KMT2C: variants seen among roughly 807,000 people sequenced by gnomAD.
KMT2C encodes the protein lysine methyltransferase 2C, also known as histone-lysine N-methyltransferase 2C.
Under a neutral mutation model 507.9 loss-of-function variants are expected in KMT2C, and 88 were observed. The ratio of observed to expected loss-of-function variants is 0.17; its 90% CI spans 0.15 to 0.21. The LOEUF (loss-of-function observed/expected upper bound fraction) is 0.21, where lower values mean the gene tolerates loss of function less well. Ranked by LOEUF, KMT2C falls within the 10% of genes least tolerant of loss-of-function variation. The pLI is 1.00. For synonymous variants in KMT2C, 2,049 were observed against 2,080.8 expected, an observed-to-expected ratio of 0.98 and a Z score of 0.42; for missense variants, 4,954 against 5,957.8, an observed-to-expected ratio of 0.83 and a Z score of 5.55.
chr7:152,352,609 C>T (rs578251143), intron 2 of KMT2C, among the ~76,000 whole-genome samples: 4 of 152,214 alleles, frequency 2.6e-5, no homozygotes, highest in South Asian at 4.1e-4. Context: ...TCAAACCAGC[C>T]GAAGCTTAGG....
chr7:152,320,207 CA>C (rs905673628), intron 3 of KMT2C, among the ~76,000 whole-genome samples: 24 of 151,714 alleles, frequency 1.6e-4, no homozygotes, highest in African/African-American at 5.8e-4. Context: ...TTCCAAAATC[CA>C]AAAAAAATCC....
intron 6 of KMT2C, among the ~76,000 whole-genome samples, chr7:152,306,059 A>G (rs1161314504): frequency 1.3e-5 from 2 of 152,226 alleles, no homozygotes; most frequent in Non-Finnish European, 2.9e-5. Flanking sequence ...ATTAAAAAAC[A>G]TGAGTTTATT....
At chr7:152,434,171 T>C (rs2097892889) in intron 1 of KMT2C, among the ~76,000 whole-genome samples, 1 of 152,240 alleles carries the variant, frequency 6.6e-6, no homozygotes, top group South Asian at 2.1e-4. Context: ...AAGGGCATTT[T>C]ATACTTGCCA....
chr7:152,426,651 G>C (rs143860648), intron 1 of KMT2C, among the ~76,000 whole-genome samples: 4 of 152,322 alleles, frequency 2.6e-5, no homozygotes, highest in African/African-American at 9.6e-5. Context: ...AGTAACAACA[G>C]TAGTTAAATC....
chr7:152,215,383 AGGTGCCTGTAGTCCCAGCTACTCG>A (rs1422532699), intron 23 of KMT2C, among the ~76,000 whole-genome samples: 2 of 151,530 alleles, frequency 1.3e-5, no homozygotes, highest in Non-Finnish European at 1.5e-5. Context: ...GCGTGGTGGC[AGGTGCCTGTAGTCCCAGCTACTCG>A]GGAGGCTGAG....
chr7:152,322,072 C>A (rs1415847150), intron 3 of KMT2C, among the ~76,000 whole-genome samples: 1 of 145,982 alleles, frequency 6.9e-6, no homozygotes, highest in Non-Finnish European at 1.5e-5. Context: ...AAAAAAAAAA[C>A]CATACATCTG....
rs547179934 is a variant in KMT2C at position 152,356,712 on chromosome 7, A to G, written c.250+1875T>C. On this transcript the variant is annotated intron_variant, in intron 2 of 58. Transcript: ENST00000262189. ...AAGACCAGCCTGGCCAATATGGTGA[A>G]ACCCCATCTCTACTAAAAAATACAA... Among the ~76,000 whole-genome samples the G allele has an allele frequency of 2.9e-3, 438 of 151,266 alleles. 2 individuals carry two copies. The highest frequency in any genetic ancestry group is 4.9e-3 in the Non-Finnish European group (329 of 67,816).
In KMT2C at chr7:152,225,465, T is replaced by C. The variant is rs10261659; in HGVS notation, c.2977-849A>G. Among the ~76,000 whole-genome samples, 1,439 of 152,280 alleles carry C rather than the reference T, an allele frequency of 9.4e-3. 26 individuals are homozygous for C. The highest frequency in any genetic ancestry group is 0.033 in the African/African-American group (1,384 of 41,552). On this transcript the variant is annotated intron_variant, in intron 18 of 58. Coordinates refer to ENST00000262189, the MANE Select transcript of KMT2C (RefSeq NM_170606.3). ...ATGCTAGAAGAGTATAAGTTTCCAA[T>C]TCTACAGGAAAATACTTTTCAAAGT...
chr7:152,276,044 A>G (rs2096073758), intron 6 of KMT2C, among the ~76,000 whole-genome samples: 1 of 152,212 alleles, frequency 6.6e-6, no homozygotes. Context: ...AAAATATTAT[A>G]TTAGCTAAAC....
intron 6 of KMT2C, among the ~76,000 whole-genome samples, chr7:152,275,707 CA>C (rs1404422451): frequency 6.6e-6 from 1 of 152,150 alleles, no homozygotes; most frequent in Non-Finnish European, 1.5e-5. Context: ...GAATTAACTA[CA>C]AATACAACAC....
At chr7:152,421,491 A>G (rs2097776944) in intron 1 of KMT2C, among the ~76,000 whole-genome samples, 1 of 152,212 alleles carries the variant, frequency 6.6e-6, no homozygotes, top group South Asian at 2.1e-4. Flanking sequence ...GAATCAACCT[A>G]ACTGCCCATC....
At chr7:152,223,360 G>T (rs952352792) in intron 20 of KMT2C, among the ~76,000 whole-genome samples, 6 of 151,964 alleles carry the variant, frequency 3.9e-5, no homozygotes, top group African/African-American at 1.5e-4. Context: ...GTGGTTTAAG[G>T]AGAACAGAAT....
At chr7:152,237,090 A>C (rs1286375518) in intron 15 of KMT2C, among the ~76,000 whole-genome samples, 1 of 152,140 alleles carries the variant, frequency 6.6e-6, no homozygotes, top group African/African-American at 2.4e-5. Flanking sequence ...TTACTCCTTG[A>C]AAAAACCTGG....
chr7:152,247,606 G>A (rs1261260987), intron 14 of KMT2C, among the ~76,000 whole-genome samples: 1 of 152,298 alleles, frequency 6.6e-6, no homozygotes, highest in Non-Finnish European at 1.5e-5. Flanking sequence ...ATTTACTGCA[G>A]CACAGAACTA....
intron 38 of KMT2C, among the ~76,000 whole-genome samples, chr7:152,175,364 G>A (rs1376221473): frequency 6.6e-6 from 1 of 151,648 alleles, no homozygotes. Context: ...GGATACTTGT[G>A]CAGAATATGC....
chr7:152,144,620 G>A lies in KMT2C; in HGVS notation c.14343+93C>T. 1 of 1,249,904 alleles carries A rather than the reference G, an allele frequency of 8.0e-7. No homozygotes were observed. The highest frequency in any genetic ancestry group is 1.4e-5 in the South Asian group (1 of 72,078). 77.4% of individuals were successfully genotyped at this position (1,249,904 alleles called of 1,614,324 possible). On this transcript the variant is annotated intron_variant, in intron 55 of 58. Coordinates refer to ENST00000262189, the MANE Select transcript of KMT2C (RefSeq NM_170606.3). The surrounding 1 kb of genome is among the most constrained non-coding windows in gnomAD (Gnocchi z 4.4). Reference sequence around the variant, plus strand: ...AACACGTTTCTGTCCCTGCAGCTATGTGAAATCATTTTCACATACTGGACA... The same window carrying A: ...AACACGTTTCTGTCCCTGCAGCTATATGAAATCATTTTCACATACTGGACA...
chr7:152,155,772 C>A (rs2092002464), intron 46 of KMT2C, 138 bp downstream of exon 46: 2 of 835,424 alleles, frequency 2.4e-6, no homozygotes, highest in Non-Finnish European at 3.6e-6. Flanking sequence ...AACTTTAAAT[C>A]CTGAAGATTA....
Position 152,145,403 on chromosome 7 carries a change from T to TC in KMT2C, c.14032-109dup, listed in dbSNP as rs1361806502. The TC allele has an allele frequency of 3.7e-6, 4 of 1,089,530 alleles. No homozygotes were observed. The South Asian group carries it at 4.6e-5, about 13-fold the overall frequency. The allele number at this position is 1,089,530 out of a possible 1,614,324, so 67.5% of individuals were successfully genotyped here. A position where few individuals can be genotyped will look rare whatever the true frequency, so the allele number is the denominator to read the frequency against. On this transcript the variant is annotated intron_variant, in intron 53 of 58. Transcript: ENST00000262189. ...CGACAGAAATAACTCATCAGCGTTT[T>TC]CCCCGATAATAAAATGGTCTTCTAG...
At chr7:152,331,598 G>A (rs973503092) in intron 2 of KMT2C, among the ~76,000 whole-genome samples, 4 of 145,748 alleles carry the variant, frequency 2.7e-5, no homozygotes, top group African/African-American at 1.0e-4. Flanking sequence ...AACACATCTA[G>A]ATCCTACCTC....
Sources: gnomAD v4.1 joint callset for allele counts (sites outside exome capture counted in the v4.1 genomes callset) on GRCh38, gnomAD v4.1.1 for gene constraint, Gnocchi (gnomAD v3.1) non-coding constraint, MANE v1.5 for transcripts, NCBI Gene and HGNC (gene_info 2026-07-23, HGNC 2026-07-21) for gene names.